The following NDST3 variants were observed in gnomAD, a reference collection of about 807,000 sequenced individuals.
NDST3 encodes the protein bifunctional heparan sulfate N-deacetylase/N-sulfotransferase 3.
Under a neutral mutation model 96.1 loss-of-function variants are expected in NDST3, and 58 were observed. The observed-to-expected ratio is 0.60, with a 90% CI of 0.49 to 0.75. The LOEUF (loss-of-function observed/expected upper bound fraction) is 0.75. Ranked by LOEUF, NDST3 falls within the 30% of genes least tolerant of loss-of-function variation. The pLI, the probability that NDST3 is intolerant of heterozygous loss-of-function variation, is 0.00. For missense variants in NDST3, 788 were observed against 1,034.2 expected (o/e 0.76, Z 3.27); for synonymous variants, 333 against 359.7 (o/e 0.93, Z 0.84).
intron 6 of NDST3, among the ~76,000 whole-genome samples, chr4:118,164,353 G>A (rs1451115198): frequency 6.6e-6 from 1 of 152,126 alleles, no homozygotes; most frequent in Non-Finnish European, 1.5e-5. Context: ...GGTTGAGGCT[G>A]GGAGGAGGGA....
At position 118,225,138 on chromosome 4, in the gene NDST3, G is replaced by A. The variant is rs151172638; in HGVS notation, c.1722+465G>A. On this transcript the variant is annotated intron_variant, in intron 7 of 13. Transcript: ENST00000296499. ...CCAACAGCCAACAGCCACTGAATGT[G>A]GACAGCTTTCAAAAGTATTAATTGG... Among the ~76,000 whole-genome samples the A allele has an allele frequency of 2.4e-4, 37 of 152,248 alleles. No homozygotes were observed. In the East Asian group the frequency reaches 6.2e-3, roughly 25 times the overall value.
intron 6 of NDST3, among the ~76,000 whole-genome samples, chr4:118,181,628 T>C (rs575537470): frequency 5.3e-5 from 8 of 152,222 alleles, no homozygotes; most frequent in Admixed American, 6.6e-5. Flanking sequence ...CTTCTGACCA[T>C]AGAGCTCTTT....
At chr4:118,124,731 C>T (rs559355635) in intron 4 of NDST3, among the ~76,000 whole-genome samples, 3 of 152,094 alleles carry the variant, frequency 2.0e-5, no homozygotes, top group Admixed American at 1.3e-4. Flanking sequence ...AAACACCATA[C>T]ACTCATCTCT....
At chr4:118,151,904 T>C (rs1453671666) in intron 6 of NDST3, among the ~76,000 whole-genome samples, 9 of 152,194 alleles carry the variant, frequency 5.9e-5, no homozygotes, top group Non-Finnish European at 1.3e-4. Flanking sequence ...TATAGCATCC[T>C]CTGCAGACTC....
chr4:118,065,772 C>T (rs139020775), intron 2 of NDST3, among the ~76,000 whole-genome samples: 135 of 151,816 alleles, frequency 8.9e-4, no homozygotes, highest in Non-Finnish European at 1.1e-3. Flanking sequence ...AACCTAAAAA[C>T]AACAATGGTG....
chr4:118,251,110 TTA>T (rs1310426996), intron 12 of NDST3, among the ~76,000 whole-genome samples: 3 of 142,824 alleles, frequency 2.1e-5, no homozygotes, highest in East Asian at 4.0e-4. Context: ...ATTTATTTAT[TTA>T]TTTATTATTT....
At chr4:118,057,279 T>C (rs906232543) in intron 2 of NDST3, among the ~76,000 whole-genome samples, 4 of 152,010 alleles carry the variant, frequency 2.6e-5, no homozygotes, top group African/African-American at 7.2e-5. Context: ...AAGAGGATCA[T>C]AGTGAAGATC....
At chr4:118,206,266 T>C (rs1204523957) in intron 6 of NDST3, among the ~76,000 whole-genome samples, 3 of 144,898 alleles carry the variant, frequency 2.1e-5, no homozygotes, top group African/African-American at 5.1e-5. Context: ...ATCCAGTTAT[T>C]ATAATAGAAG....
At chr4:118,106,732 A>G (rs182945722) in intron 3 of NDST3, among the ~76,000 whole-genome samples, 1 of 152,244 alleles carries the variant, frequency 6.6e-6, no homozygotes, top group Admixed American at 6.5e-5. Context: ...TCTAGGCTGC[A>G]GTAAACTATG....
chr4:118,178,070 C>T (rs1279813035), intron 6 of NDST3, among the ~76,000 whole-genome samples: 1 of 149,290 alleles, frequency 6.7e-6, no homozygotes, highest in Non-Finnish European at 1.5e-5. Context: ...CAAGGACCCA[C>T]AGGAAAAAAA....
intron 12 of NDST3, among the ~76,000 whole-genome samples, chr4:118,250,536 G>A (rs941626483): frequency 2.6e-5 from 4 of 151,074 alleles, no homozygotes; most frequent in African/African-American, 9.8e-5. Flanking sequence ...CCAGGCTGGA[G>A]TGCAATGGCA....
At chr4:118,096,662 G>GATAC (rs982143946) in intron 2 of NDST3, among the ~76,000 whole-genome samples, 6 of 64,286 alleles carry the variant, frequency 9.3e-5, no homozygotes, top group African/African-American at 4.4e-4. Flanking sequence ...GGCTAGAGTA[G>GATAC]ATAGATAGAT....
At chr4:118,036,148 T>TGTC (rs1335837738) in intron 1 of NDST3, among the ~76,000 whole-genome samples, 5 of 152,060 alleles carry the variant, frequency 3.3e-5, no homozygotes, top group African/African-American at 9.7e-5. Flanking sequence ...AATATGTAAT[T>TGTC]GTCTACCTGT....
At chr4:118,049,734 A>AT (rs1297217580) in intron 1 of NDST3, among the ~76,000 whole-genome samples, 2 of 141,262 alleles carry the variant, frequency 1.4e-5, no homozygotes, top group African/African-American at 5.1e-5. Flanking sequence ...AATAATAATA[A>AT]AAAAAAAAAA....
intron 1 of NDST3, among the ~76,000 whole-genome samples, chr4:118,052,540 A>AT (rs149046328): frequency 0.053 from 8,017 of 152,026 alleles, 328 homozygotes; most frequent in Middle Eastern, 0.085. Flanking sequence ...TAACGGTTGA[A>AT]TTTTTTTAAA....
At position 118,258,125 on chromosome 4, in the gene NDST3, T is replaced by C. The variant is rs1742222786; in HGVS notation, c.*2413T>C. The C allele has an allele frequency of 6.6e-6, 1 of 152,312 alleles. No individual in the cohort carries two copies. Among genetic ancestry groups the C allele is most frequent in the South Asian group, 2.1e-4 (1 of 4,826 alleles). The allele number at this position is 152,312 out of a possible 1,614,324, so 9.4% of individuals were successfully genotyped here. A position where few individuals can be genotyped will look rare whatever the true frequency, so the allele number is the denominator to read the frequency against. ...CGAGTTGACTGAACACTTCATCCTT[T>C]TAAATAGATGTCAAAAACATACTCC... On this transcript the variant is annotated 3_prime_UTR_variant, in exon 14 of 14. Coordinates refer to ENST00000296499, the MANE Select transcript of NDST3 (RefSeq NM_004784.3).
At chr4:118,235,041 A>C (rs955667908) in intron 9 of NDST3, among the ~76,000 whole-genome samples, 1 of 8,898 alleles carries the variant, frequency 1.1e-4, no homozygotes, top group African/African-American at 1.9e-4. Context: ...AAAAAAAGAA[A>C]AAAAAAGGAA....
intron 6 of NDST3, among the ~76,000 whole-genome samples, chr4:118,145,755 C>A (rs1221594535): frequency 1.3e-5 from 2 of 152,152 alleles, no homozygotes; most frequent in Non-Finnish European, 2.9e-5. Flanking sequence ...AAAACTTGTT[C>A]TTTCCTGATT....
At chr4:118,174,204 A>G (rs1414475818) in intron 6 of NDST3, among the ~76,000 whole-genome samples, 4 of 152,210 alleles carry the variant, frequency 2.6e-5, no homozygotes, top group Admixed American at 2.6e-4. Flanking sequence ...GAAACTGTTA[A>G]CTGCAAAGTT....
Sources: allele counts gnomAD v4.1 joint callset (sites outside exome capture counted in the v4.1 genomes callset), GRCh38; gene constraint gnomAD v4.1.1; transcripts MANE v1.5; gene names NCBI Gene and HGNC (gene_info 2026-07-23, HGNC 2026-07-21).